The following MCUB variants were observed in gnomAD, a reference collection of about 807,000 sequenced individuals.
MCUB encodes mitochondrial calcium uniporter dominant negative subunit beta.
Under a neutral mutation model 41.4 loss-of-function variants are expected in MCUB, and 46 were observed. That is an observed-to-expected ratio of 1.11 (90% CI 0.88 to 1.42). The LOEUF (loss-of-function observed/expected upper bound fraction) is 1.42. Ranked by LOEUF, MCUB falls within the 40% of genes most tolerant of loss-of-function variation. The pLI is 0.00. For missense variants in MCUB, 403 were observed against 404.9 expected (o/e 1.00, Z 0.04); for synonymous variants, 148 against 148.2 (o/e 1.00, Z 0.01).
chr4:109,582,390 G>T (rs573414908), intron 1 of MCUB, among the ~76,000 whole-genome samples: 4 of 103,248 alleles, frequency 3.9e-5, no homozygotes, highest in Admixed American at 1.2e-4. Context: ...GGTGGGGGGA[G>T]GGGGGAGGGA....
At chr4:109,608,965 A>G (rs1289853606) in intron 1 of MCUB, among the ~76,000 whole-genome samples, 1 of 152,196 alleles carries the variant, frequency 6.6e-6, no homozygotes, top group Non-Finnish European at 1.5e-5. Context: ...CAAGACTTGT[A>G]GAGGTACTGC....
chr4:109,660,402 G>A, intron 3 of MCUB, 37 bp downstream of exon 3: 4 of 1,259,838 alleles, frequency 3.2e-6, no homozygotes, highest in Non-Finnish European at 4.5e-6. Context: ...TTGTCCCAGG[G>A]TTTCTGTCTC....
rs775980686 is a variant in MCUB at position 109,685,239 on chromosome 4, T to TC, written c.817-12_817-11insC. ...AACATGTTGTTTTCTTCTCTCTCTC[T>TC]TTTTTTTTAAGGATTATACTTACTC... On this transcript the variant is annotated splice_polypyrimidine_tract_variant and intron_variant, in intron 6 of 7. Coordinates refer to ENST00000394650, the MANE Select transcript of MCUB (RefSeq NM_017918.5). The TC allele has an allele frequency of 1.8e-5, 17 of 945,450 alleles. No homozygotes were observed. Among genetic ancestry groups the TC allele is most frequent in the Middle Eastern group, 2.4e-4 (1 of 4,082 alleles). The allele number at this position is 945,450 out of a possible 1,614,324, so 58.6% of individuals were successfully genotyped here. A position where few individuals can be genotyped will look rare whatever the true frequency, so the allele number is the denominator to read the frequency against.
In MCUB at chr4:109,569,191, T is replaced by C. The variant is rs564351123; in HGVS notation, c.99+8755T>C. Among the ~76,000 whole-genome samples, 65 of 151,010 alleles carry C rather than the reference T, an allele frequency of 4.3e-4. No individual in the cohort carries two copies. The East Asian group carries it at 0.011, about 26-fold the overall frequency. On this transcript the variant is annotated intron_variant, in intron 1 of 7. Transcript: ENST00000394650. ...CCTCCCGAGTAGCTGGGACTACAGG[T>C]GCCTGCCACCACGCCCGGCCAATTT...
intron 1 of MCUB, among the ~76,000 whole-genome samples, chr4:109,571,908 C>T (rs1164364242): frequency 6.6e-6 from 1 of 152,188 alleles, no homozygotes; most frequent in Non-Finnish European, 1.5e-5. Context: ...TAGTCCTGGC[C>T]AGGAACCACA....
intron 7 of MCUB, among the ~76,000 whole-genome samples, chr4:109,686,287 C>T (rs569699326): frequency 2.6e-5 from 4 of 152,112 alleles, no homozygotes; most frequent in Admixed American, 6.6e-5. Context: ...TATAGGCGCC[C>T]GCCACCACAC....
intron 1 of MCUB, among the ~76,000 whole-genome samples, chr4:109,587,601 C>A (rs1162335549): frequency 2.0e-5 from 3 of 151,970 alleles, no homozygotes; most frequent in Non-Finnish European, 2.9e-5. Flanking sequence ...GAACGGAAAT[C>A]CAAAAAACTT....
intron 1 of MCUB, among the ~76,000 whole-genome samples, chr4:109,637,698 T>G (rs1728624749): frequency 1.3e-5 from 2 of 152,150 alleles, no homozygotes; most frequent in African/African-American, 4.8e-5. Context: ...GGAGCTAAGC[T>G]ATGAGTACCC....
chr4:109,562,195 T>A (rs918774562), intron 1 of MCUB, among the ~76,000 whole-genome samples: 3 of 152,204 alleles, frequency 2.0e-5, no homozygotes, highest in Non-Finnish European at 4.4e-5. Context: ...TGCCATTGCA[T>A]ACCTCAGCAG....
chr4:109,598,073 G>T (rs1238745371), intron 1 of MCUB, among the ~76,000 whole-genome samples: 1 of 151,070 alleles, frequency 6.6e-6, no homozygotes, highest in Non-Finnish European at 1.5e-5. Flanking sequence ...TTCCTAGATG[G>T]GATGGCGGCC....
chr4:109,668,366 G>A (rs1034708664), intron 4 of MCUB, among the ~76,000 whole-genome samples: 9 of 152,004 alleles, frequency 5.9e-5, no homozygotes, highest in African/African-American at 2.2e-4. Flanking sequence ...TTGGAGAATT[G>A]GCCTTTTATT....
At chr4:109,574,177 G>C (rs1394786880) in intron 1 of MCUB, among the ~76,000 whole-genome samples, 1 of 152,066 alleles carries the variant, frequency 6.6e-6, no homozygotes, top group Non-Finnish European at 1.5e-5. Context: ...TTTTAATCTA[G>C]TGAAAAAGAA....
intron 1 of MCUB, among the ~76,000 whole-genome samples, chr4:109,646,087 G>A (rs1381324472): frequency 6.6e-6 from 1 of 151,776 alleles, no homozygotes; most frequent in Non-Finnish European, 1.5e-5. Context: ...ATCTAGAGTG[G>A]CTGTCTTCTC....
intron 1 of MCUB, among the ~76,000 whole-genome samples, chr4:109,578,108 C>T (rs574167144): frequency 4.6e-5 from 7 of 152,234 alleles, no homozygotes; most frequent in Non-Finnish European, 7.4e-5. Context: ...GGCTCAGTAT[C>T]GTATCTGTAG....
At chr4:109,581,949 A>G (rs923285759) in intron 1 of MCUB, among the ~76,000 whole-genome samples, 84 of 152,348 alleles carry the variant, frequency 5.5e-4, no homozygotes, top group African/African-American at 1.5e-3. Flanking sequence ...AACTAGTTCA[A>G]CCATCGTGGA....
intron 4 of MCUB, among the ~76,000 whole-genome samples, chr4:109,680,700 A>G (rs898698863): frequency 1.2e-4 from 18 of 152,204 alleles, no homozygotes; most frequent in African/African-American, 3.1e-4. Flanking sequence ...TGAATTGGGT[A>G]GTGATGGAAG....
At chr4:109,598,914 T>G (rs576016531) in intron 1 of MCUB, among the ~76,000 whole-genome samples, 1 of 152,334 alleles carries the variant, frequency 6.6e-6, no homozygotes, top group African/African-American at 2.4e-5. Context: ...ATACAGTAAA[T>G]TAGCTATTCT....
intron 3 of MCUB, among the ~76,000 whole-genome samples, chr4:109,661,818 A>G (rs557149691): frequency 2.0e-3 from 302 of 152,286 alleles, no homozygotes; most frequent in African/African-American, 7.1e-3. Flanking sequence ...GGATCACCTG[A>G]GGTCAGGGGT....
chr4:109,678,417 G>A (rs2344195), intron 4 of MCUB, among the ~76,000 whole-genome samples: 7,803 of 146,122 alleles, frequency 0.053, 542 homozygotes, highest in African/African-American at 0.16. Context: ...AGGCAGAGGC[G>A]CTCCTCACTT....
Sources: gnomAD v4.1 joint callset for allele counts (sites outside exome capture counted in the v4.1 genomes callset) on GRCh38, gnomAD v4.1.1 for gene constraint, MANE v1.5 for transcripts, NCBI Gene and HGNC (gene_info 2026-07-23, HGNC 2026-07-21) for gene names.